Variants in DOK6 observed in about 807,000 individuals in gnomAD.
DOK6 encodes docking protein 6.
A neutral mutation model predicts 44.0 loss-of-function variants in DOK6; 22 were observed. That is an observed-to-expected ratio of 0.50 (90% CI 0.36 to 0.71). DOK6 has a LOEUF of 0.71. Among genes scored for constraint, DOK6 ranks in the 30% least tolerant of loss-of-function variants. The pLI is 0.00. For synonymous variants in DOK6, 166 were observed against 145.5 expected, an observed-to-expected ratio of 1.14 and a Z score of -1.01; for missense variants, 340 against 416.4, an observed-to-expected ratio of 0.82 and a Z score of 1.60.
intron 3 of DOK6, among the ~76,000 whole-genome samples, chr18:69,607,748 C>T (rs538556098): frequency 9.9e-5 from 15 of 152,244 alleles, no homozygotes; most frequent in African/African-American, 3.4e-4. Context: ...GAGAGACCTT[C>T]TTTATAAAGA....
intron 1 of DOK6, among the ~76,000 whole-genome samples, chr18:69,478,975 CAAATT>C (rs1980344570): frequency 6.6e-6 from 1 of 152,242 alleles, no homozygotes; most frequent in East Asian, 1.9e-4. Flanking sequence ...AATTAAGACA[CAAATT>C]AAGACATTTT....
chr18:69,481,855 C>G (rs1980433539), intron 1 of DOK6, among the ~76,000 whole-genome samples: 1 of 152,150 alleles, frequency 6.6e-6, no homozygotes, highest in African/African-American at 2.4e-5. Flanking sequence ...TAAAAGTGTT[C>G]CTATTTCTCC....
chr18:69,793,509 G>A (rs1980658671), intron 7 of DOK6, among the ~76,000 whole-genome samples: 1 of 152,102 alleles, frequency 6.6e-6, no homozygotes, highest in South Asian at 2.1e-4. Flanking sequence ...CTTTACATGT[G>A]TAATTATGGT....
intron 1 of DOK6, among the ~76,000 whole-genome samples, chr18:69,513,002 A>G (rs1386790514): frequency 6.6e-6 from 1 of 152,198 alleles, no homozygotes; most frequent in Non-Finnish European, 1.5e-5. Context: ...ACTTTATTTT[A>G]TTATACACCA....
intron 1 of DOK6, among the ~76,000 whole-genome samples, chr18:69,512,106 A>C (rs1217720096): frequency 1.6e-5 from 2 of 121,552 alleles, no homozygotes; most frequent in East Asian, 5.7e-4. Context: ...CCCCACACAC[A>C]ATCTTTAGGT....
At chr18:69,639,862 C>T (rs1356831595) in intron 3 of DOK6, among the ~76,000 whole-genome samples, 2 of 152,124 alleles carry the variant, frequency 1.3e-5, no homozygotes, top group African/African-American at 4.8e-5. Context: ...CTATTTCTTT[C>T]CTGTCCCAAA....
intron 1 of DOK6, among the ~76,000 whole-genome samples, chr18:69,546,496 C>G (rs1164036745): frequency 6.6e-6 from 1 of 151,396 alleles, no homozygotes; most frequent in African/African-American, 2.4e-5. Flanking sequence ...TAAAACCAAC[C>G]CTTCGAGCAG....
rs558729137 is a variant in DOK6 at position 69,496,147 on chromosome 18, G to A, written c.67-68340G>A. ...TGGGCATCTGCAGCTGCCCCAGGAG[G>A]GCAGGTTTCCTGCCTGCTCCCAGGC... On this transcript the variant is annotated intron_variant, in intron 1 of 7. Transcript: ENST00000382713. 7.2e-5 allele frequency among the ~76,000 whole-genome samples: 11 copies of A among 152,302 alleles called. No individual in the cohort carries two copies. The East Asian group carries it at 7.7e-4, about 11-fold the overall frequency.
At chr18:69,635,876 A>G (rs1341688415) in intron 3 of DOK6, among the ~76,000 whole-genome samples, 1 of 152,186 alleles carries the variant, frequency 6.6e-6, no homozygotes, top group Admixed American at 6.5e-5. Context: ...TATTTTTTCA[A>G]TGCATTTATT....
chr18:69,754,048 G>C (rs1279495438), intron 6 of DOK6, among the ~76,000 whole-genome samples: 1 of 151,816 alleles, frequency 6.6e-6, no homozygotes, highest in Non-Finnish European at 1.5e-5. Context: ...AAATCCTCCT[G>C]GTCAAATTGA....
intron 2 of DOK6, among the ~76,000 whole-genome samples, chr18:69,584,891 A>C (rs1273360941): frequency 6.6e-6 from 1 of 151,800 alleles, no homozygotes; most frequent in East Asian, 1.9e-4. Flanking sequence ...GTTTATTACT[A>C]TTTGGATTTT....
chr18:69,647,143 CCCTATCCATCTAT>C lies in DOK6; in HGVS notation c.290-30562_290-30550del, dbSNP rs1390745609. Among the ~76,000 whole-genome samples the C allele has an allele frequency of 9.4e-3, 1,241 of 131,788 alleles. 5 individuals are homozygous for C. The highest frequency in any genetic ancestry group is 0.013 in the Non-Finnish European group (762 of 58,980). The allele number at this position is 131,788 out of a possible 152,430, so 86.5% of individuals were successfully genotyped here. ...TCTGTCTATCCTGTCTATCTATCTA[CCCTATCCATCTAT>C]CCTATCCATCTATCCTATCCATCTA... On this transcript the variant is annotated intron_variant, in intron 3 of 7. Coordinates refer to ENST00000382713, the MANE Select transcript of DOK6 (RefSeq NM_152721.6).
chr18:69,808,113 A>G (rs889750902), intron 7 of DOK6, among the ~76,000 whole-genome samples: 10 of 151,924 alleles, frequency 6.6e-5, no homozygotes, highest in African/African-American at 2.4e-4. Context: ...CCACAATGGT[A>G]TAAAACTATA....
intron 7 of DOK6, among the ~76,000 whole-genome samples, chr18:69,804,248 A>G (rs1372046688): frequency 6.6e-6 from 1 of 152,214 alleles, no homozygotes; most frequent in Admixed American, 6.5e-5. Flanking sequence ...TGAGACAACG[A>G]AAAAACAAGA....
intron 7 of DOK6, among the ~76,000 whole-genome samples, chr18:69,834,850 A>C (rs934140663): frequency 1.3e-5 from 2 of 152,160 alleles, no homozygotes; most frequent in Non-Finnish European, 2.9e-5. Context: ...AGACTGGGTA[A>C]GTTATAGAGA....
At chr18:69,775,240 C>A (rs1041729565) in intron 7 of DOK6, among the ~76,000 whole-genome samples, 1 of 151,844 alleles carries the variant, frequency 6.6e-6, no homozygotes, top group Non-Finnish European at 1.5e-5. Flanking sequence ...CAAAAATTCC[C>A]TAAAGAAAAT....
At chr18:69,827,164 T>A (rs541223269) in intron 7 of DOK6, among the ~76,000 whole-genome samples, 1 of 152,240 alleles carries the variant, frequency 6.6e-6, no homozygotes, top group Non-Finnish European at 1.5e-5. Flanking sequence ...CTCACTTTCT[T>A]AAAATCATTC....
At position 69,826,298 on chromosome 18, in the gene DOK6, G is replaced by T. The variant is rs548106669; in HGVS notation, c.857-14946G>T. ...GTACTCTCAGCCTTTTCCATATCCT[G>T]CAGGTTTTCAGTTCCATCAGAACAT... On this transcript the variant is annotated intron_variant, in intron 7 of 7. Transcript: ENST00000382713. 2.0e-5 allele frequency among the ~76,000 whole-genome samples: 3 copies of T among 152,256 alleles called. No homozygotes were observed. The South Asian group carries it at 6.2e-4, about 32-fold the overall frequency.
At chr18:69,777,048 C>T (rs1980093565) in intron 7 of DOK6, among the ~76,000 whole-genome samples, 1 of 150,130 alleles carries the variant, frequency 6.7e-6, no homozygotes, top group Non-Finnish European at 1.5e-5. Context: ...TGCTAAATGA[C>T]GAGTTAATGG....
Sources: allele counts gnomAD v4.1 joint callset (sites outside exome capture counted in the v4.1 genomes callset), GRCh38; gene constraint gnomAD v4.1.1; transcripts MANE v1.5; gene names NCBI Gene and HGNC (gene_info 2026-07-23, HGNC 2026-07-21).